The following ZNF469 variants were observed in gnomAD, a reference collection of about 807,000 sequenced individuals.
The protein encoded by ZNF469 is zinc finger protein 469.
In ZNF469, 1 loss-of-function variant was observed where a neutral mutation model predicts 1.0. That is an observed-to-expected ratio of 1.00 (90% confidence interval 0.35 to 4.73). ZNF469 has a LOEUF of 4.73. ZNF469 is among the 30% of genes most tolerant of loss of function. The pLI is 0.16. For synonymous variants in ZNF469, 2,703 were observed against 2,363.4 expected, an observed-to-expected ratio of 1.14 and a Z score of -4.17; for missense variants, 6,100 against 5,356.3, an observed-to-expected ratio of 1.14 and a Z score of -4.33.
chr16:88,263,202 G>A, the ZNF469 span, among the ~76,000 whole-genome samples: 5 of 152,320 alleles, frequency 3.3e-5, no homozygotes, highest in African/African-American at 7.2e-5. Context: ...ACGATACTGC[G>A]TCTCCACGGC....
At position 88,434,498 on chromosome 16, in the gene ZNF469, A is replaced by G; in HGVS notation, c.7028A>G (p.Gln2343Arg). The G allele has an allele frequency of 1.3e-6, 2 of 1,550,216 alleles. No homozygotes were observed. Among genetic ancestry groups the G allele is most frequent in the South Asian group, 2.4e-5 (2 of 84,064 alleles). The change falls in exon 3 of 3, where the codon CAG (glutamine) becomes CGG (arginine). Residue 2343 changes from glutamine to arginine, a missense_variant. By Grantham distance (43) the Gln-to-Arg change is conservative. Transcript: ENST00000565624. Reference protein sequence around the residue: ...NTARLGHREGQAVTAVPTEPP... With the variant: ...NTARLGHREGRAVTAVPTEPP... ...GCCCGCCTCGGCCACAGGGAGGGCC[A>G]GGCTGTCACAGCTGTGCCCACTGAG...
At chr16:88,108,345 C>A in the ZNF469 span, among the ~76,000 whole-genome samples, 2 of 152,136 alleles carry the variant, frequency 1.3e-5, no homozygotes, top group African/African-American at 4.8e-5. Flanking sequence ...TGTGGGACAG[C>A]GTGTCTGGGT....
the ZNF469 span, among the ~76,000 whole-genome samples, chr16:88,169,602 A>G: frequency 1.3e-5 from 2 of 152,198 alleles, no homozygotes; most frequent in East Asian, 3.8e-4. This position sits in a 1 kb window ranked among gnomAD's most constrained non-coding sequence, Gnocchi z 6.1. Context: ...TGGTCCATCC[A>G]CCTGCCGAAG....
chr16:88,179,059 G>A, the ZNF469 span: 3 of 152,396 alleles, frequency 2.0e-5, no homozygotes, highest in Non-Finnish European at 2.9e-5. Context: ...GTGTGATCCT[G>A]TGGGTGGGTG....
chr16:88,209,154 A>G, the ZNF469 span, among the ~76,000 whole-genome samples: 1 of 151,290 alleles, frequency 6.6e-6, no homozygotes, highest in Non-Finnish European at 1.5e-5. Context: ...ACAAAACAAA[A>G]CCCTACACAC....
At chr16:88,193,102 A>ATGGTGGTGG in the ZNF469 span, among the ~76,000 whole-genome samples, 1 of 30,528 alleles carries the variant, frequency 3.3e-5, no homozygotes, top group African/African-American at 1.4e-4. Flanking sequence ...GATGGTGTTG[A>ATGGTGGTGG]TGGTGGTGGT....
At chr16:88,218,131 A>G in the ZNF469 span, among the ~76,000 whole-genome samples, 14 of 146,976 alleles carry the variant, frequency 9.5e-5, no homozygotes, top group African/African-American at 3.3e-4. Context: ...AATGATTGCC[A>G]TTCTAACTGG....
chr16:88,267,562 TGA>T, the ZNF469 span, among the ~76,000 whole-genome samples: 6 of 152,208 alleles, frequency 3.9e-5, no homozygotes, highest in Non-Finnish European at 7.4e-5. Flanking sequence ...CCGGCTGAGC[TGA>T]GTCCCTTTCG....
chr16:88,187,710 C>T, the ZNF469 span, among the ~76,000 whole-genome samples: 1 of 124,984 alleles, frequency 8.0e-6, no homozygotes, highest in Non-Finnish European at 1.6e-5. Context: ...TTCCAGATTG[C>T]CTGCATTTTT....
rs1291869529 is a variant in ZNF469 at position 88,432,265 on chromosome 16, C to T, written c.4795C>T (p.Leu1599Phe). 3.2e-6 allele frequency: 5 copies of T among 1,547,730 alleles called. No homozygotes were observed. In the South Asian group the frequency reaches 5.9e-5, roughly 18 times the overall value. ...AGCTGAGTCGGTGGGCAGGGTGGAG[C>T]TCGGCACAGGCACAGAGCCACCCTC... is the stretch of plus-strand genomic sequence containing the variant. ...AEAESVGRVE[L>F]GTGTEPPSQR... The change falls in exon 3 of 3, where the codon CTC (leucine) becomes TTC (phenylalanine). Residue 1599 changes from leucine (L) to phenylalanine (F), a missense_variant. Transcript: ENST00000565624.
At chr16:88,190,250 AC>A in the ZNF469 span, among the ~76,000 whole-genome samples, 4 of 152,200 alleles carry the variant, frequency 2.6e-5, no homozygotes, top group African/African-American at 7.2e-5. Context: ...AGTGGGGTAG[AC>A]CATTAAGGCT....
chr16:88,146,529 G>A, the ZNF469 span, among the ~76,000 whole-genome samples: 11,678 of 152,108 alleles, frequency 0.077, 1,545 homozygotes, highest in African/African-American at 0.27. Context: ...CTCAGCCCCC[G>A]TGGGGTTTTC....
intron 1 of ZNF469, among the ~76,000 whole-genome samples, chr16:88,414,250 G>T (rs926314753): frequency 6.6e-6 from 1 of 152,226 alleles, no homozygotes; most frequent in Admixed American, 6.5e-5. Flanking sequence ...GGGCCTCCAG[G>T]TCGGACACGG....
At chr16:88,390,283 C>T (rs940550228) in intron 1 of ZNF469, among the ~76,000 whole-genome samples, 37 of 152,260 alleles carry the variant, frequency 2.4e-4, no homozygotes, top group African/African-American at 7.9e-4. Context: ...GTTCTGGATA[C>T]ACATGGGAGT....
At position 88,430,631 on chromosome 16, in the gene ZNF469, T is replaced by C; in HGVS notation, c.3161T>C (p.Ile1054Thr). 2.0e-6 allele frequency: 3 copies of C among 1,498,394 alleles called. No homozygotes were observed. Among genetic ancestry groups the C allele is most frequent in the Non-Finnish European group, 2.7e-6 (3 of 1,129,308 alleles). 92.8% of individuals were successfully genotyped at this position (1,498,394 alleles called of 1,614,324 possible). Residue 1054 changes from isoleucine (I) to threonine (T), a missense_variant, in exon 3 of 3, where the codon ATC (isoleucine) becomes ACC (threonine). Coordinates refer to ENST00000565624, the MANE Select transcript of ZNF469 (RefSeq NM_001367624.2). Reference sequence around the variant, plus strand: ...TGGGGCAAGGAGCTCATTCTGAAGATCGTGCAGCAGAAGAACAGGCGCCAC... The same window carrying C: ...TGGGGCAAGGAGCTCATTCTGAAGACCGTGCAGCAGAAGAACAGGCGCCAC... ...GAWGKELILKIVQQKNRRHRR... is the reference protein window; with the variant it reads ...GAWGKELILKTVQQKNRRHRR...
chr16:88,359,161 C>G, the ZNF469 span, among the ~76,000 whole-genome samples: 1 of 152,106 alleles, frequency 6.6e-6, no homozygotes, highest in African/African-American at 2.4e-5. Context: ...GCTCGGTATC[C>G]TGCCTGCATT....
At chr16:88,297,215 G>C in the ZNF469 span, among the ~76,000 whole-genome samples, 7 of 152,184 alleles carry the variant, frequency 4.6e-5, no homozygotes, top group Non-Finnish European at 1.0e-4. Context: ...GATTGGGACG[G>C]GGCAGGCGTC....
chr16:88,428,457 G>A lies in ZNF469; in HGVS notation c.987G>A (p.Gln329=), dbSNP rs756761096. The part of the protein sequence containing the change: ...GTGPAYPLPT[Q]PAPSPLPCYQ... Reference sequence around the variant, plus strand: ...GCCCTGCCTACCCGCTGCCCACCCAGCCTGCGCCCTCACCCCTGCCCTGCT... The same window carrying A: ...GCCCTGCCTACCCGCTGCCCACCCAACCTGCGCCCTCACCCCTGCCCTGCT... Residue 329 remains glutamine, a synonymous_variant, in exon 3 of 3, where the codon CAG becomes CAA. Transcript: ENST00000565624. 3.2e-6 allele frequency: 5 copies of A among 1,548,516 alleles called. No homozygotes were observed. The highest frequency in any genetic ancestry group is 4.4e-6 in the Non-Finnish European group (5 of 1,146,750).
chr16:88,122,476 T>C, the ZNF469 span, among the ~76,000 whole-genome samples: 7 of 141,184 alleles, frequency 5.0e-5, no homozygotes, highest in East Asian at 4.6e-4. Context: ...TCTGATCACA[T>C]TCCCGTCACT....
Sources: allele counts gnomAD v4.1 joint callset (sites outside exome capture counted in the v4.1 genomes callset), GRCh38; gene constraint gnomAD v4.1.1; non-coding constraint Gnocchi (gnomAD v3.1); transcripts MANE v1.5; gene names NCBI Gene and HGNC (gene_info 2026-07-23, HGNC 2026-07-21).